SRGAP2: variants seen among roughly 807,000 people sequenced by gnomAD.
SRGAP2 encodes the protein SLIT-ROBO Rho GTPase activating protein 2.
Under a neutral mutation model 57.2 loss-of-function variants are expected in SRGAP2, and 15 were observed. The ratio of observed to expected loss-of-function variants is 0.26; its 90% CI spans 0.18 to 0.40. The LOEUF is 0.40. Among genes scored for constraint, SRGAP2 ranks in the 10% least tolerant of loss-of-function variants. The pLI is 1.00. For missense variants in SRGAP2, 520 were observed against 669.6 expected (o/e 0.78, Z 2.47); for synonymous variants, 249 against 248.0 (o/e 1.00, Z -0.04).
intron 1 of SRGAP2, chr1:206,204,777 G>A (rs1471848784): frequency 8.6e-6 from 1 of 116,404 alleles, no homozygotes; most frequent in East Asian, 2.4e-4. Flanking sequence ...GGAGGCGACG[G>A]CTGCCTTCCG....
At chr1:206,323,533 C>T (rs202109290) in intron 3 of SRGAP2, among the ~76,000 whole-genome samples, 1 of 151,520 alleles carries the variant, frequency 6.6e-6, no homozygotes, top group Non-Finnish European at 1.5e-5. Context: ...GCCATTCTCC[C>T]TGATCACCTC....
At chr1:206,384,456 C>T (rs1656002474) in intron 5 of SRGAP2, among the ~76,000 whole-genome samples, 1 of 150,614 alleles carries the variant, frequency 6.6e-6, no homozygotes, top group Non-Finnish European at 1.5e-5. Flanking sequence ...GTCGGAAAGC[C>T]TTTATTGTTC....
chr1:206,248,076 G>A (rs371693791), intron 2 of SRGAP2, among the ~76,000 whole-genome samples: 1,578 of 151,964 alleles, frequency 0.01, 3 homozygotes, highest in Middle Eastern at 0.027. Context: ...AAAAATCTAG[G>A]CATTTTTGTT....
intron 10 of SRGAP2, among the ~76,000 whole-genome samples, chr1:206,411,723 C>A (rs1415923752): frequency 2.0e-5 from 3 of 152,156 alleles, no homozygotes; most frequent in African/African-American, 4.8e-5. Flanking sequence ...GAGTTTTATA[C>A]CCCCATGGTA....
chr1:206,435,419 C>T (rs142741003), intron 14 of SRGAP2, among the ~76,000 whole-genome samples: 123 of 152,244 alleles, frequency 8.1e-4, no homozygotes, highest in Admixed American at 1.3e-3. Flanking sequence ...AGATTGAGAC[C>T]CAGGGATCCT....
At chr1:206,322,772 G>A (rs1553328169) in intron 3 of SRGAP2, among the ~76,000 whole-genome samples, 1 of 142,782 alleles carries the variant, frequency 7.0e-6, no homozygotes, top group Non-Finnish European at 1.5e-5. Context: ...GAATACCTGA[G>A]TCCAGGTAAT....
chr1:206,415,169 C>T (rs1659577524), intron 10 of SRGAP2, among the ~76,000 whole-genome samples: 2 of 152,214 alleles, frequency 1.3e-5, no homozygotes, highest in Admixed American at 6.5e-5. Flanking sequence ...CATACGGTCT[C>T]TCACTGGGCA....
intron 2 of SRGAP2, among the ~76,000 whole-genome samples, chr1:206,283,615 G>A (rs1323589118): frequency 2.0e-4 from 30 of 151,254 alleles, no homozygotes; most frequent in African/African-American, 6.6e-4. Context: ...GGCAGAGGCC[G>A]CAGTGAGCCG....
chr1:206,443,033 A>G (rs1662449885), intron 17 of SRGAP2, among the ~76,000 whole-genome samples: 2 of 152,236 alleles, frequency 1.3e-5, no homozygotes, highest in African/African-American at 4.8e-5. Context: ...ACAGCTTAGC[A>G]GGGGCCCTCT....
At chr1:206,407,689 A>T (rs1439275858) in intron 10 of SRGAP2, 1 of 152,142 alleles carries the variant, frequency 6.6e-6, no homozygotes, top group South Asian at 2.1e-4. Context: ...AAAATTTAGA[A>T]GGAAAAAGAA....
At chr1:206,252,320 C>T (rs564656401) in intron 2 of SRGAP2, among the ~76,000 whole-genome samples, 171 of 152,016 alleles carry the variant, frequency 1.1e-3, no homozygotes, top group Admixed American at 2.0e-3. Context: ...GTGCCTTAGA[C>T]GCAAGCAAAA....
chr1:206,448,431 G>T (rs1281774574), intron 18 of SRGAP2, among the ~76,000 whole-genome samples: 5 of 152,182 alleles, frequency 3.3e-5, no homozygotes, highest in Non-Finnish European at 7.3e-5. Flanking sequence ...AAAGGCTGGG[G>T]ATGGAGTGTG....
chr1:206,266,539 G>A (rs1453862250), intron 2 of SRGAP2, among the ~76,000 whole-genome samples: 1 of 152,110 alleles, frequency 6.6e-6, no homozygotes, highest in African/African-American at 2.4e-5. Flanking sequence ...CACCACGCCC[G>A]ACCTTCTGTA....
chr1:206,229,931 T>C lies in SRGAP2; in HGVS notation c.67+23894T>C, dbSNP rs78652064. 2.6e-3 allele frequency among the ~76,000 whole-genome samples: 362 copies of C among 141,754 alleles called. 1 individual carries two copies. Among genetic ancestry groups the C allele is most frequent in the East Asian group, 0.023 (111 of 4,864 alleles). 93.0% of individuals were successfully genotyped at this position (141,754 alleles called of 152,430 possible). A position where few individuals can be genotyped will look rare whatever the true frequency, so the allele number is the denominator to read the frequency against. On this transcript the variant is annotated intron_variant, in intron 2 of 22. Coordinates refer to ENST00000573034, the MANE Select transcript of SRGAP2 (RefSeq NM_015326.5). ...AGAGAGATATATATGTACACATACA[T>C]ACACACACACACACACACACACACA...
intron 3 of SRGAP2, among the ~76,000 whole-genome samples, chr1:206,307,913 G>C (rs1169274733): frequency 1.9e-4 from 29 of 152,326 alleles, no homozygotes; most frequent in African/African-American, 5.8e-4. Context: ...AGTGCAGGGG[G>C]GGGTGCTGAA....
chr1:206,443,128 G>A (rs901674183), intron 17 of SRGAP2, among the ~76,000 whole-genome samples: 5 of 152,082 alleles, frequency 3.3e-5, no homozygotes, highest in Admixed American at 6.5e-5. Context: ...CAATCCTGGC[G>A]CCCCAAAAAG....
intron 2 of SRGAP2, among the ~76,000 whole-genome samples, chr1:206,291,885 C>A (rs1331530537): frequency 6.7e-6 from 1 of 148,894 alleles, no homozygotes; most frequent in Non-Finnish European, 1.5e-5. Flanking sequence ...TGGGCAGATT[C>A]TTTCATTGGA....
rs1203823165 is a variant in SRGAP2 at position 206,463,529 on chromosome 1, A to G, written c.*2109A>G. ...CAGCACACTCCCCTCTAAGAAAGTA[A>G]AAGCAAAGCTTTCTTAATGGCAACA... On this transcript the variant is annotated 3_prime_UTR_variant, in exon 23 of 23. Coordinates refer to ENST00000573034, the MANE Select transcript of SRGAP2 (RefSeq NM_015326.5). 1 of 152,648 alleles carries G rather than the reference A, an allele frequency of 6.6e-6. No homozygotes were observed. The highest frequency in any genetic ancestry group is 1.5e-5 in the Non-Finnish European group (1 of 68,082). 9.5% of individuals were successfully genotyped at this position (152,648 alleles called of 1,614,324 possible). A position where few individuals can be genotyped will look rare whatever the true frequency, so the allele number is the denominator to read the frequency against.
chr1:206,413,295 T>C (rs960790539), intron 10 of SRGAP2, among the ~76,000 whole-genome samples: 1 of 152,228 alleles, frequency 6.6e-6, no homozygotes, highest in Non-Finnish European at 1.5e-5. Context: ...GCTTGCATTG[T>C]TGGCAATGGA....
Sources: allele counts gnomAD v4.1 joint callset (sites outside exome capture counted in the v4.1 genomes callset), GRCh38; gene constraint gnomAD v4.1.1; transcripts MANE v1.5; gene names NCBI Gene and HGNC (gene_info 2026-07-23, HGNC 2026-07-21).